RABGAP1L: variants seen among roughly 807,000 people sequenced by gnomAD.
The protein encoded by RABGAP1L is rab GTPase-activating protein 1-like.
A neutral mutation model predicts 137.7 loss-of-function variants in RABGAP1L; 63 were observed. The observed-to-expected ratio is 0.46, with a 90% confidence interval of 0.37 to 0.56. RABGAP1L has a LOEUF of 0.56. Among genes scored for constraint, RABGAP1L ranks in the 20% least tolerant of loss-of-function variants. RABGAP1L has a pLI of 0.00. For synonymous variants in RABGAP1L, 431 were observed against 433.7 expected, an observed-to-expected ratio of 0.99 and a Z score of 0.08; for missense variants, 1,095 against 1,244.0, an observed-to-expected ratio of 0.88 and a Z score of 1.80.
chr1:174,677,276 A>G (rs1253944312), intron 14 of RABGAP1L, among the ~76,000 whole-genome samples: 2 of 152,186 alleles, frequency 1.3e-5, no homozygotes, highest in Non-Finnish European at 2.9e-5. Flanking sequence ...GAGCCGACAG[A>G]GGGAGACCTG....
chr1:174,210,664 G>T (rs1668819808), intron 1 of RABGAP1L, among the ~76,000 whole-genome samples: 1 of 152,106 alleles, frequency 6.6e-6, no homozygotes, highest in South Asian at 2.1e-4. Context: ...GAAAGATATG[G>T]GTAGAAAGTT....
chr1:174,924,472 G>A (rs1332934311), intron 19 of RABGAP1L, among the ~76,000 whole-genome samples: 1 of 150,338 alleles, frequency 6.7e-6, no homozygotes, highest in Non-Finnish European at 1.5e-5. Flanking sequence ...TGCAGAATCA[G>A]AAGGGAGGAC....
chr1:174,715,824 C>G (rs1680955013), intron 17 of RABGAP1L, among the ~76,000 whole-genome samples: 1 of 152,152 alleles, frequency 6.6e-6, no homozygotes, highest in Admixed American at 6.5e-5. Context: ...ATCCCAGGTC[C>G]TCCTATGGTC....
chr1:174,935,550 A>G (rs1664628849), intron 19 of RABGAP1L: 1 of 152,220 alleles, frequency 6.6e-6, no homozygotes. Flanking sequence ...GAAAATTATA[A>G]CATAGTAGAC....
At chr1:174,522,913 C>G (rs957568866) in intron 13 of RABGAP1L, among the ~76,000 whole-genome samples, 1 of 152,178 alleles carries the variant, frequency 6.6e-6, no homozygotes, top group Non-Finnish European at 1.5e-5. Flanking sequence ...TCCATCACCT[C>G]CCACCTAAGC....
rs376200965 is a variant in RABGAP1L, at chr1:174,925,889, GTTTT to G, written c.2341-31554_2341-31551del. Among the ~76,000 whole-genome samples the G allele has an allele frequency of 3.7e-5, 4 of 108,074 alleles. No homozygotes were observed. In the South Asian group the frequency reaches 1.4e-3, roughly 37 times the overall value. 70.9% of individuals were successfully genotyped at this position (108,074 alleles called of 152,430 possible). On this transcript the variant is annotated intron_variant, in intron 19 of 25. Coordinates refer to ENST00000681986, the MANE Select transcript of RABGAP1L (RefSeq NM_001366446.1). ...TTTTTTGTTTTTGTTTTTTTTTTGT[GTTTT>G]TTTTTTTTTTTTTGATACCAGGCTG...
intron 17 of RABGAP1L, among the ~76,000 whole-genome samples, chr1:174,719,946 A>G (rs1208457776): frequency 1.3e-5 from 2 of 152,218 alleles, no homozygotes; most frequent in Non-Finnish European, 2.9e-5. Flanking sequence ...ATAAAAGAGT[A>G]AGTATAATTA....
intron 13 of RABGAP1L, among the ~76,000 whole-genome samples, chr1:174,522,583 G>GA (rs543096991): frequency 2.0e-5 from 3 of 151,920 alleles, no homozygotes; most frequent in African/African-American, 2.4e-5. Context: ...GGAAAAAAAA[G>GA]AAAAAAGAAA....
chr1:174,838,458 A>G (rs756678407), intron 19 of RABGAP1L, among the ~76,000 whole-genome samples: 4 of 152,228 alleles, frequency 2.6e-5, no homozygotes, highest in Non-Finnish European at 4.4e-5. Flanking sequence ...GACCTAAAGC[A>G]TTCAGGTAGC....
At chr1:174,441,682 C>T (rs1212534354) in intron 13 of RABGAP1L, among the ~76,000 whole-genome samples, 1 of 151,892 alleles carries the variant, frequency 6.6e-6, no homozygotes, top group Admixed American at 6.6e-5. Context: ...TGCAGTGAGC[C>T]GAGATCATGC....
intron 14 of RABGAP1L, among the ~76,000 whole-genome samples, chr1:174,643,220 G>T (rs1324028241): frequency 6.6e-6 from 1 of 152,114 alleles, no homozygotes. Context: ...GGTGTTCCTG[G>T]ATCAGATGGA....
intron 18 of RABGAP1L, among the ~76,000 whole-genome samples, chr1:174,755,661 G>C (rs927768518): frequency 3.3e-5 from 5 of 152,234 alleles, no homozygotes; most frequent in Admixed American, 6.5e-5. Flanking sequence ...CCATGCTTTG[G>C]CCTATGGTTA....
intron 13 of RABGAP1L, among the ~76,000 whole-genome samples, chr1:174,523,335 A>T (rs1302866828): frequency 6.6e-6 from 1 of 152,212 alleles, no homozygotes; most frequent in Non-Finnish European, 1.5e-5. Flanking sequence ...ATTGGAAGAC[A>T]GCATTTGACT....
intron 4 of RABGAP1L, among the ~76,000 whole-genome samples, chr1:174,234,225 A>T: frequency 2.0e-5 from 2 of 98,412 alleles, no homozygotes; most frequent in African/African-American, 1.3e-4. Flanking sequence ...TTGCCTGTTC[A>T]CTCTGATGGT....
At chr1:174,473,456 G>A (rs1658163148) in intron 13 of RABGAP1L, among the ~76,000 whole-genome samples, 1 of 152,164 alleles carries the variant, frequency 6.6e-6, no homozygotes, top group Non-Finnish European at 1.5e-5. Context: ...GAAGTGGGAA[G>A]CAGAAATAGC....
chr1:174,238,525 C>T (rs546103635), intron 4 of RABGAP1L, among the ~76,000 whole-genome samples: 1 of 152,000 alleles, frequency 6.6e-6, no homozygotes, highest in Non-Finnish European at 1.5e-5. Flanking sequence ...GAATACCCTG[C>T]AGTGTGAGGT....
intron 12 of RABGAP1L, among the ~76,000 whole-genome samples, chr1:174,383,743 C>T (rs1571539723): frequency 6.6e-6 from 1 of 152,178 alleles, no homozygotes; most frequent in South Asian, 2.1e-4. Context: ...CAGAAATCAC[C>T]CGTCTTCTGC....
At chr1:174,519,407 T>C (rs1288604788) in intron 13 of RABGAP1L, among the ~76,000 whole-genome samples, 1 of 152,066 alleles carries the variant, frequency 6.6e-6, no homozygotes, top group Non-Finnish European at 1.5e-5. Flanking sequence ...AGATGTAGGC[T>C]GGGCGGCTAG....
At chr1:174,913,902 G>A (rs141893713) in intron 19 of RABGAP1L, among the ~76,000 whole-genome samples, 1 of 152,098 alleles carries the variant, frequency 6.6e-6, no homozygotes, top group South Asian at 2.1e-4. Context: ...TAATAACTTT[G>A]AGGAACACTC....
Sources: allele counts gnomAD v4.1 joint callset (sites outside exome capture counted in the v4.1 genomes callset), GRCh38; gene constraint gnomAD v4.1.1; transcripts MANE v1.5; gene names NCBI Gene and HGNC (gene_info 2026-07-23, HGNC 2026-07-21).